Variants in NXPE2 observed in about 807,000 individuals in gnomAD.
NXPE2 encodes neurexophilin and PC-esterase domain family member 2, also known as NXPE family member 2.
A neutral mutation model predicts 34.4 loss-of-function variants in NXPE2; 34 were observed. The ratio of observed to expected loss-of-function variants is 0.99; its 90% CI spans 0.75 to 1.31. The LOEUF is 1.31. Ranked by LOEUF, NXPE2 falls within the 40% of genes most tolerant of loss-of-function variation. NXPE2 has a pLI of 0.00. For synonymous variants in NXPE2, 235 were observed against 231.3 expected (o/e 1.02, Z -0.15); for missense variants, 649 against 672.5 (o/e 0.97, Z 0.39).
the NXPE2 span, among the ~76,000 whole-genome samples, chr11:114,660,201 G>A: frequency 6.6e-6 from 1 of 151,702 alleles, no homozygotes; most frequent in Non-Finnish European, 1.5e-5. Flanking sequence ...AGGCCTAAAT[G>A]GTTTTATTTG....
At chr11:114,621,116 C>A in the NXPE2 span, among the ~76,000 whole-genome samples, 2 of 152,254 alleles carry the variant, frequency 1.3e-5, no homozygotes, top group Middle Eastern at 3.4e-3. Flanking sequence ...CACTGTTACC[C>A]TGTGGATAAT....
chr11:114,700,337 A>T (rs1951342114), intron 3 of NXPE2, among the ~76,000 whole-genome samples: 1 of 152,234 alleles, frequency 6.6e-6, no homozygotes, highest in Admixed American at 6.5e-5. Context: ...GTGATGGTTG[A>T]TGCTATTTTA....
At chr11:114,496,145 C>T in the NXPE2 span, among the ~76,000 whole-genome samples, 1 of 152,164 alleles carries the variant, frequency 6.6e-6, no homozygotes, top group Non-Finnish European at 1.5e-5. Context: ...GACCCCACCC[C>T]AGAGCTTTTT....
the NXPE2 span, among the ~76,000 whole-genome samples, chr11:114,647,005 C>T: frequency 4.6e-5 from 7 of 152,306 alleles, no homozygotes; most frequent in South Asian, 2.1e-4. Context: ...GAGACACTGA[C>T]GGCACACCTT....
intron 2 of NXPE2, among the ~76,000 whole-genome samples, chr11:114,693,370 C>T: frequency 6.6e-6 from 1 of 152,184 alleles, no homozygotes; most frequent in African/African-American, 2.4e-5. Context: ...TGATGAACTC[C>T]TGGGCTCAAC....
the NXPE2 span, among the ~76,000 whole-genome samples, chr11:114,618,042 C>CAACTCTTACCCTGTGGATAAT: frequency 1.3e-5 from 2 of 152,042 alleles, no homozygotes; most frequent in South Asian, 4.1e-4. Context: ...TCGTGGGTAA[C>CAACTCTTACCCTGTGGATAAT]AACTCTTACC....
chr11:114,607,601 G>A, the NXPE2 span, among the ~76,000 whole-genome samples: 25 of 150,496 alleles, frequency 1.7e-4, no homozygotes, highest in Non-Finnish European at 3.3e-4. Flanking sequence ...GTCATGCCTC[G>A]TGAGTAACCA....
At chr11:114,782,116 G>A in the NXPE2 span, among the ~76,000 whole-genome samples, 26 of 152,278 alleles carry the variant, frequency 1.7e-4, no homozygotes, top group South Asian at 5.2e-3. Context: ...TATGTAAATA[G>A]CTGTTATCCT....
At chr11:114,530,099 T>G in the NXPE2 span, 2 of 1,422,714 alleles carry the variant, frequency 1.4e-6, no homozygotes, top group African/African-American at 2.9e-5. Context: ...ATGCTCAATG[T>G]TGCAATGGGC....
At chr11:114,667,714 T>G in the NXPE2 span, among the ~76,000 whole-genome samples, 1 of 152,076 alleles carries the variant, frequency 6.6e-6, no homozygotes, top group African/African-American at 2.4e-5. Flanking sequence ...AGCAAAGAAC[T>G]GAGGCCTCCT....
chr11:114,691,545 T>TA lies in NXPE2; in HGVS notation c.133-6500_133-6499insA, dbSNP rs1310941566. Among the ~76,000 whole-genome samples, 11 of 151,544 alleles carry TA rather than the reference T, an allele frequency of 7.3e-5. No homozygotes were observed. In the East Asian group the frequency reaches 1.8e-3, roughly 24 times the overall value. On this transcript the variant is annotated intron_variant, in intron 2 of 5. Transcript: ENST00000389586. The stretch of plus-strand genomic sequence containing the variant: ...GAATCGTGCCCTCTCCCAGCACACA[T>TA]TTACCTTCAGTGGTGGTGGAGACAC...
chr11:114,803,280 C>T, the NXPE2 span, among the ~76,000 whole-genome samples: 6 of 152,164 alleles, frequency 3.9e-5, no homozygotes, highest in East Asian at 1.9e-4. Flanking sequence ...ACTGACAACC[C>T]GAACTTACTA....
the NXPE2 span, among the ~76,000 whole-genome samples, chr11:114,533,628 A>G: frequency 6.6e-6 from 1 of 152,258 alleles, no homozygotes; most frequent in Non-Finnish European, 1.5e-5. Flanking sequence ...ACAGCACACC[A>G]GGAGATTATA....
chr11:114,718,912 G>A, the NXPE2 span, among the ~76,000 whole-genome samples: 21 of 152,072 alleles, frequency 1.4e-4, no homozygotes, highest in Non-Finnish European at 2.5e-4. Flanking sequence ...AATGGGGCTC[G>A]CTCTGCTCTC....
At chr11:114,629,617 G>C in the NXPE2 span, among the ~76,000 whole-genome samples, 1 of 151,980 alleles carries the variant, frequency 6.6e-6, no homozygotes, top group African/African-American at 2.4e-5. Flanking sequence ...GCACAAGACA[G>C]GGATGCCCTC....
the NXPE2 span, among the ~76,000 whole-genome samples, chr11:114,789,349 TA>T: frequency 6.6e-6 from 1 of 152,178 alleles, no homozygotes; most frequent in African/African-American, 2.4e-5. Context: ...AAAGCACATG[TA>T]TAAAAATATG....
chr11:114,520,337 GAGA>G, the NXPE2 span, among the ~76,000 whole-genome samples: 1 of 152,048 alleles, frequency 6.6e-6, no homozygotes, highest in Non-Finnish European at 1.5e-5. Flanking sequence ...ATATATAAGT[GAGA>G]TCAAGCAATA....
chr11:114,571,145 G>A, the NXPE2 span: 1 of 1,613,958 alleles, frequency 6.2e-7, no homozygotes, highest in East Asian at 2.2e-5. Context: ...TCTCCCTGAT[G>A]TTTTCTGTTT....
At chr11:114,630,366 C>T in the NXPE2 span, among the ~76,000 whole-genome samples, 1 of 151,720 alleles carries the variant, frequency 6.6e-6, no homozygotes, top group Non-Finnish European at 1.5e-5. Flanking sequence ...AGAAATAACA[C>T]CACATTTCTA....
Sources: gnomAD v4.1 joint callset for allele counts (sites outside exome capture counted in the v4.1 genomes callset) on GRCh38, gnomAD v4.1.1 for gene constraint, MANE v1.5 for transcripts, NCBI Gene and HGNC (gene_info 2026-07-23, HGNC 2026-07-21) for gene names.